The following PLB1 variants were observed in gnomAD, a reference collection of about 807,000 sequenced individuals.
PLB1 encodes phospholipase B1.
A neutral mutation model predicts 227.4 loss-of-function variants in PLB1; 242 were observed. The observed-to-expected ratio is 1.06, with a 90% CI of 0.96 to 1.18. The LOEUF (loss-of-function observed/expected upper bound fraction) is 1.18, where lower values mean the gene tolerates loss of function less well. Ranked by LOEUF, PLB1 falls within the 50% of genes most tolerant of loss-of-function variation. The pLI, the probability that PLB1 is intolerant of heterozygous loss-of-function variation, is 0.00. For synonymous variants in PLB1, 757 were observed against 682.2 expected, an observed-to-expected ratio of 1.11 and a Z score of -1.71; for missense variants, 1,858 against 1,816.3, an observed-to-expected ratio of 1.02 and a Z score of -0.42.
At chr2:28,569,838 C>T (rs772544858) in intron 20 of PLB1, among the ~76,000 whole-genome samples, 2 of 151,624 alleles carry the variant, frequency 1.3e-5, no homozygotes, top group South Asian at 2.1e-4. Context: ...TGGTGGTGGG[C>T]GCCTGTAGTC....
rs1335780625 is a variant in PLB1 at position 28,582,462 on chromosome 2, C to CT, written c.1691dup (p.Tyr565ValfsTer24). ...GCTTGAGATCGTCAACCTGAGGGAG[C>CT]TGTACCAGGAGAAAAAAGTCTACTG... is the stretch of plus-strand genomic sequence containing the variant. On this transcript the variant is annotated frameshift_variant, in exon 25 of 58. Coordinates refer to ENST00000327757, the MANE Select transcript of PLB1 (RefSeq NM_153021.5). LOFTEE classifies it high-confidence loss of function. 6.2e-7 allele frequency: 1 copy of CT among 1,612,792 alleles called. No homozygotes were observed. Among genetic ancestry groups the CT allele is most frequent in the East Asian group, 2.2e-5 (1 of 44,866 alleles).
intron 43 of PLB1, among the ~76,000 whole-genome samples, chr2:28,610,903 G>A (rs150237508): frequency 1.9e-3 from 288 of 152,134 alleles, no homozygotes; most frequent in Non-Finnish European, 3.3e-3. Flanking sequence ...TTCTACTCAC[G>A]GGGGCTCCAA....
At chr2:28,536,937 C>T (rs1220785962) in intron 9 of PLB1, among the ~76,000 whole-genome samples, 4 of 152,174 alleles carry the variant, frequency 2.6e-5, no homozygotes, top group South Asian at 2.1e-4. Flanking sequence ...GAGAGAGCCA[C>T]ACAGGGTCCC....
intron 43 of PLB1, among the ~76,000 whole-genome samples, chr2:28,608,272 C>G (rs1391980249): frequency 6.6e-6 from 1 of 152,240 alleles, no homozygotes; most frequent in Admixed American, 6.5e-5. Context: ...TTCTGCATTC[C>G]TCAGTCCCAT....
chr2:28,561,210 C>T (rs1318550016), intron 17 of PLB1, among the ~76,000 whole-genome samples: 2 of 152,196 alleles, frequency 1.3e-5, no homozygotes, highest in East Asian at 1.9e-4. Context: ...TGAGGGCATT[C>T]TCTGTTTCTG....
Position 28,589,752 on chromosome 2 carries a change from T to C in PLB1, c.1998T>C (p.Ser666=). The change falls in exon 28 of 58, where the codon AGT becomes AGC. Residue 666 remains serine (S), a synonymous_variant. Coordinates refer to ENST00000327757, the MANE Select transcript of PLB1 (RefSeq NM_153021.5). ...GCAAGTCTCACTCCCGAGCAGCCAG[T>C]GCTCTCTGGAACAATATGGTAAGTG... is the stretch of plus-strand genomic sequence containing the variant. The part of the protein sequence containing the change: ...FSSKSHSRAA[S]ALWNNMLEPV... The C allele has an allele frequency of 1.2e-6, 2 of 1,613,864 alleles. No individual in the cohort carries two copies. The highest frequency in any genetic ancestry group is 1.1e-5 in the South Asian group (1 of 91,086).
chr2:28,525,345 C>T (rs368016950), intron 5 of PLB1, 38 bp downstream of exon 5: 26 of 1,593,410 alleles, frequency 1.6e-5, no homozygotes, highest in East Asian at 4.5e-5. Context: ...GAAAGGAGCC[C>T]GGAGATGCTC....
chr2:28,503,935 C>T lies in PLB1; in HGVS notation c.55+7766C>T, dbSNP rs111635179. On this transcript the variant is annotated intron_variant, in intron 1 of 57. Transcript: ENST00000327757. ...CTGCAAAAGGGCATACAGGATGAGA[C>T]GAAATGCTGTGGCCATCTTTGGAAA... Among the ~76,000 whole-genome samples the T allele has an allele frequency of 7.9e-5, 12 of 152,292 alleles. No homozygotes were observed. In the South Asian group the frequency reaches 1.2e-3, roughly 16 times the overall value.
At chr2:28,541,057 C>G (rs11691383) in intron 12 of PLB1, among the ~76,000 whole-genome samples, 147,031 of 152,116 alleles carry the variant, frequency 0.97, 71,133 homozygotes, top group East Asian at 0.99. Flanking sequence ...TACAGTCCCA[C>G]CTACTCAGGA....
chr2:28,624,932 G>A, intron 49 of PLB1, 125 bp from the exon 50 acceptor site: 3 of 873,610 alleles, frequency 3.4e-6, no homozygotes, highest in Non-Finnish European at 5.5e-6. Flanking sequence ...TCTTGAGAAT[G>A]GAATGACCTT....
At chr2:28,569,767 C>A (rs1382168539) in intron 20 of PLB1, among the ~76,000 whole-genome samples, 3 of 151,884 alleles carry the variant, frequency 2.0e-5, no homozygotes, top group African/African-American at 7.2e-5. Flanking sequence ...GAGATCGAGA[C>A]CATCCTAGCT....
intron 1 of PLB1, among the ~76,000 whole-genome samples, chr2:28,501,977 T>C (rs1667154724): frequency 6.6e-6 from 1 of 152,192 alleles, no homozygotes; most frequent in Admixed American, 6.5e-5. Flanking sequence ...TACATCTAAC[T>C]TAGGATAAAT....
intron 37 of PLB1, 65 bp downstream of exon 37, chr2:28,601,397 TTCCCTGAGAACAGTTCC>T (rs1324677909): frequency 7.2e-7 from 1 of 1,390,844 alleles, no homozygotes; most frequent in Admixed American, 1.8e-5. Flanking sequence ...GTTGGAGATC[TTCCCTGAGAACAGTTCC>T]TAAAACCAAT....
In PLB1 at chr2:28,598,744, C is replaced by T; in HGVS notation, c.2458C>T (p.Pro820Ser). Reference sequence around the variant, plus strand: ...GAATGCATTCCTCAATCAAGCTGTTCCCGGAGCAAAGGCTGAGTATGGCAT... The same window carrying T: ...GAATGCATTCCTCAATCAAGCTGTTTCCGGAGCAAAGGCTGAGTATGGCAT... Reference protein sequence around the residue: ...DTNAFLNQAVPGAKAEDLMSQ... With the variant: ...DTNAFLNQAVSGAKAEDLMSQ... Residue 820 changes from proline to serine, a missense_variant, in exon 35 of 58, where the codon CCC becomes TCC. Pro to Ser is a moderately conservative substitution (Grantham distance 74). Coordinates refer to ENST00000327757, the MANE Select transcript of PLB1 (RefSeq NM_153021.5). 1 of 1,613,916 alleles carries T rather than the reference C, an allele frequency of 6.2e-7. No homozygotes were observed. Among genetic ancestry groups the T allele is most frequent in the Non-Finnish European group, 8.5e-7 (1 of 1,179,746 alleles).
At chr2:28,511,657 C>T (rs1359976228) in intron 1 of PLB1, among the ~76,000 whole-genome samples, 2 of 152,138 alleles carry the variant, frequency 1.3e-5, no homozygotes, top group African/African-American at 4.8e-5. Flanking sequence ...GATACATAGA[C>T]TATTATAGTT....
At position 28,578,006 on chromosome 2, in the gene PLB1, C is replaced by G. The variant is rs1047346272; in HGVS notation, c.1434-101C>G. On this transcript the variant is annotated intron_variant, in intron 21 of 57. Coordinates refer to ENST00000327757, the MANE Select transcript of PLB1 (RefSeq NM_153021.5). Reference sequence around the variant, plus strand: ...GTCCATTTTCCTGCAGGAGGCCCACCCTGGGCCTTCCTCCACCATACATTT... The same window carrying G: ...GTCCATTTTCCTGCAGGAGGCCCACGCTGGGCCTTCCTCCACCATACATTT... 2.6e-5 allele frequency: 31 copies of G among 1,182,724 alleles called. No individual in the cohort carries two copies. The Admixed American group carries it at 2.9e-4, about 11-fold the overall frequency. The allele number at this position is 1,182,724 out of a possible 1,614,324, so 73.3% of individuals were successfully genotyped here.
chr2:28,566,318 C>G (rs577827537), intron 19 of PLB1: 2 of 156,570 alleles, frequency 1.3e-5, no homozygotes, highest in South Asian at 3.6e-4. Flanking sequence ...CCTAGAAACC[C>G]TTCTAACTTT....
intron 8 of PLB1, among the ~76,000 whole-genome samples, chr2:28,531,013 C>A (rs971456319): frequency 3.3e-5 from 5 of 152,174 alleles, no homozygotes; most frequent in African/African-American, 9.7e-5. Flanking sequence ...CTAATTAGAG[C>A]CCAAATCTAA....
At chr2:28,590,281 C>T (rs1324754500) in intron 29 of PLB1, among the ~76,000 whole-genome samples, 1 of 152,130 alleles carries the variant, frequency 6.6e-6, no homozygotes, top group Non-Finnish European at 1.5e-5. Context: ...GTGCTTGGTC[C>T]CTGCGTGGCT....
Sources: allele counts gnomAD v4.1 joint callset (sites outside exome capture counted in the v4.1 genomes callset), GRCh38; gene constraint gnomAD v4.1.1; transcripts MANE v1.5; gene names NCBI Gene and HGNC (gene_info 2026-07-23, HGNC 2026-07-21).